The following TRIM33 variants were observed in gnomAD, a reference collection of about 807,000 sequenced individuals.
TRIM33 encodes the protein tripartite motif containing 33, also known as E3 ubiquitin-protein ligase TRIM33.
TRIM33 carries 20 observed loss-of-function variants against 125.4 expected under a neutral mutation model. The ratio of observed to expected loss-of-function variants is 0.16; its 90% CI spans 0.11 to 0.23. The LOEUF is 0.23. Ranked by LOEUF, TRIM33 falls within the 10% of genes least tolerant of loss-of-function variation. TRIM33 has a pLI of 1.00. For missense variants in TRIM33, 920 were observed against 1,411.4 expected (o/e 0.65, Z 5.58); for synonymous variants, 564 against 513.9 (o/e 1.10, Z -1.32).
chr1:114,461,536 G>A (rs1438105231), intron 4 of TRIM33, among the ~76,000 whole-genome samples: 1 of 151,352 alleles, frequency 6.6e-6, no homozygotes, highest in Non-Finnish European at 1.5e-5. Flanking sequence ...TCTGTGTTGT[G>A]TGAGTATAGG....
In TRIM33 at chr1:114,455,443, A is replaced by T. The variant is rs570602102; in HGVS notation, c.923+7661T>A. On this transcript the variant is annotated intron_variant, in intron 4 of 19. Coordinates refer to ENST00000358465, the MANE Select transcript of TRIM33 (RefSeq NM_015906.4). ...CCTTTTGCATGGATACCCCCATGTAACCTTACTGCTGTAAAATCTAGCAAT... is the reference window on the plus strand; with the variant it reads ...CCTTTTGCATGGATACCCCCATGTATCCTTACTGCTGTAAAATCTAGCAAT... 5.3e-5 allele frequency among the ~76,000 whole-genome samples: 8 copies of T among 152,270 alleles called. No individual in the cohort carries two copies. In the East Asian group the frequency reaches 1.5e-3, roughly 29 times the overall value.
chr1:114,510,408 C>T, intron 1 of TRIM33, 143 bp downstream of exon 1: 1 of 712,008 alleles, frequency 1.4e-6, no homozygotes, highest in Non-Finnish European at 2.1e-6. Context: ...GGAAAGTGTC[C>T]CAGGGGCGAG....
chr1:114,454,296 T>G (rs562431292), intron 4 of TRIM33, among the ~76,000 whole-genome samples: 157 of 152,130 alleles, frequency 1.0e-3, no homozygotes, highest in Non-Finnish European at 1.9e-3. Flanking sequence ...GCAGCTGCAG[T>G]TACTAGAGGT....
At chr1:114,476,143 G>C (rs1650963885) in intron 1 of TRIM33, among the ~76,000 whole-genome samples, 1 of 151,438 alleles carries the variant, frequency 6.6e-6, no homozygotes, top group Non-Finnish European at 1.5e-5. Context: ...TCCTAGAATA[G>C]AATATATACA....
intron 3 of TRIM33, 55 bp downstream of exon 3, chr1:114,463,357 C>T (rs545875275): frequency 1.3e-6 from 2 of 1,564,584 alleles, no homozygotes; most frequent in East Asian, 2.3e-5. Context: ...TCTATAGGGG[C>T]AAAAGAAGGA....
At chr1:114,444,009 G>A (rs916550303) in intron 4 of TRIM33, among the ~76,000 whole-genome samples, 1 of 152,178 alleles carries the variant, frequency 6.6e-6, no homozygotes, top group Non-Finnish European at 1.5e-5. Context: ...ACTATATTCA[G>A]TCACTGAACC....
intron 1 of TRIM33, among the ~76,000 whole-genome samples, chr1:114,486,575 C>T (rs1318243116): frequency 1.5e-5 from 2 of 130,048 alleles, no homozygotes; most frequent in African/African-American, 5.8e-5. Flanking sequence ...AACCCAAAAA[C>T]CAAAAATTTA....
At chr1:114,493,886 G>C (rs965796220) in intron 1 of TRIM33, among the ~76,000 whole-genome samples, 4 of 152,104 alleles carry the variant, frequency 2.6e-5, no homozygotes, top group Non-Finnish European at 5.9e-5. Context: ...GAGTGCAGTG[G>C]CACGATCTCG....
At chr1:114,454,333 G>A (rs1024962654) in intron 4 of TRIM33, among the ~76,000 whole-genome samples, 1 of 152,070 alleles carries the variant, frequency 6.6e-6, no homozygotes, top group African/African-American at 2.4e-5. Flanking sequence ...ATTTAGAAAT[G>A]GTAGACCCAA....
intron 1 of TRIM33, among the ~76,000 whole-genome samples, chr1:114,470,234 T>C (rs1650555933): frequency 6.6e-6 from 1 of 152,230 alleles, no homozygotes; most frequent in South Asian, 2.1e-4. Context: ...CTTTTATAAA[T>C]TGAAGGTTTG....
intron 6 of TRIM33, among the ~76,000 whole-genome samples, chr1:114,429,565 ATCATT>A (rs1440903805): frequency 6.6e-6 from 1 of 151,946 alleles, no homozygotes; most frequent in African/African-American, 2.4e-5. Flanking sequence ...TTCTACTGAC[ATCATT>A]TCATTTTTAT....
chr1:114,466,817 T>C (rs1557882417), intron 1 of TRIM33, among the ~76,000 whole-genome samples: 1 of 152,214 alleles, frequency 6.6e-6, no homozygotes, highest in Non-Finnish European at 1.5e-5. Flanking sequence ...GGCGTCGAAC[T>C]CCTGACCTCA....
chr1:114,453,886 GTCCATGGC>G (rs1434806678), intron 4 of TRIM33, among the ~76,000 whole-genome samples: 3 of 152,186 alleles, frequency 2.0e-5, no homozygotes, highest in African/African-American at 7.2e-5. Flanking sequence ...TGTTTATGAT[GTCCATGGC>G]TCCACTGGGA....
At position 114,463,395 on chromosome 1, in the gene TRIM33, C is replaced by A. The variant is rs372985378; in HGVS notation, c.790+17G>T. The A allele has an allele frequency of 3.1e-6, 5 of 1,607,490 alleles. No homozygotes were observed. In the African/African-American group the frequency reaches 6.7e-5, roughly 22 times the overall value. On this transcript the variant is annotated intron_variant, in intron 3 of 19. Transcript: ENST00000358465. The stretch of plus-strand genomic sequence containing the variant: ...TTAACTGTAATCATTGTAATGATTA[C>A]AATGCATCTATCTTACCTGAGACAT...
At chr1:114,472,557 A>C (rs1383914043) in intron 1 of TRIM33, among the ~76,000 whole-genome samples, 1 of 152,042 alleles carries the variant, frequency 6.6e-6, no homozygotes, top group Non-Finnish European at 1.5e-5. Context: ...ACATGGCAAG[A>C]CCCTGTCTCT....
At chr1:114,438,254 C>A (rs1441918161) in intron 4 of TRIM33, among the ~76,000 whole-genome samples, 1 of 152,148 alleles carries the variant, frequency 6.6e-6, no homozygotes, top group East Asian at 1.9e-4. Context: ...GGGAAAAATG[C>A]ATCATAGTGC....
intron 1 of TRIM33, among the ~76,000 whole-genome samples, chr1:114,503,180 G>A (rs966777391): frequency 6.6e-6 from 1 of 152,018 alleles, no homozygotes; most frequent in African/African-American, 2.4e-5. Flanking sequence ...CTACTCTCTC[G>A]CGTTAAAATC....
Position 114,505,155 on chromosome 1 carries a change from G to A in TRIM33, c.526+5396C>T, listed in dbSNP as rs115853791. ...GGTCATTCCAGTAGTAAATGGTAGA[G>A]CTCAAAAATGAATTCAGGTAGTTTG... is the stretch of plus-strand genomic sequence containing the variant. On this transcript the variant is annotated intron_variant, in intron 1 of 19. Transcript: ENST00000358465. Among the ~76,000 whole-genome samples, 456 of 152,270 alleles carry A rather than the reference G, an allele frequency of 3.0e-3. 1 individual carries two copies. The highest frequency in any genetic ancestry group is 0.01 in the African/African-American group (436 of 41,554).
rs143115738 is a variant in TRIM33, at chr1:114,463,651, T to C, written c.646-95A>G. The C allele has an allele frequency of 2.9e-3, 2,088 of 728,806 alleles. 8 individuals carry two copies. The highest frequency in any genetic ancestry group is 6.6e-3 in the South Asian group (368 of 55,468). The allele number at this position is 728,806 out of a possible 1,614,324, so 45.1% of individuals were successfully genotyped here. ...TGTTCTTCAATATACTATTTCACTG[T>C]ACACAGAATAAAATTATTTTGTTAT... On this transcript the variant is annotated intron_variant, in intron 2 of 19. Coordinates refer to ENST00000358465, the MANE Select transcript of TRIM33 (RefSeq NM_015906.4).
Sources: gnomAD v4.1 joint callset for allele counts (sites outside exome capture counted in the v4.1 genomes callset) on GRCh38, gnomAD v4.1.1 for gene constraint, MANE v1.5 for transcripts, NCBI Gene and HGNC (gene_info 2026-07-23, HGNC 2026-07-21) for gene names.